The following CLVS1 variants were observed in gnomAD, a reference collection of about 807,000 sequenced individuals.
The protein encoded by CLVS1 is clavesin-1.
CLVS1 carries 10 observed loss-of-function variants against 33.1 expected under a neutral mutation model. The observed-to-expected ratio is 0.30, with a 90% CI of 0.19 to 0.51. CLVS1 has a LOEUF of 0.51. CLVS1 is among the 20% of genes least tolerant of loss of function. The pLI is 0.97. For synonymous variants in CLVS1, 163 were observed against 166.1 expected (o/e 0.98, Z 0.14); for missense variants, 343 against 433.4 (o/e 0.79, Z 1.85).
At chr8:61,341,379 T>A (rs1369169585) in intron 2 of CLVS1, among the ~76,000 whole-genome samples, 1 of 152,232 alleles carries the variant, frequency 6.6e-6, no homozygotes, top group Non-Finnish European at 1.5e-5. Flanking sequence ...GAGCGCTCAT[T>A]GTCCTCTGCG....
chr8:61,261,569 A>G (rs1563467477), intron 2 of CLVS1, among the ~76,000 whole-genome samples: 1 of 152,042 alleles, frequency 6.6e-6, no homozygotes, highest in African/African-American at 2.4e-5. Context: ...TCTCAATGTG[A>G]TAGTATTAGG....
At chr8:61,216,116 C>T (rs963602000) in intron 2 of CLVS1, among the ~76,000 whole-genome samples, 6 of 152,182 alleles carry the variant, frequency 3.9e-5, no homozygotes, top group Non-Finnish European at 5.9e-5. Flanking sequence ...TCTTTATGGT[C>T]ATCGTGAATT....
At chr8:61,146,171 A>C (rs1781287758) in intron 2 of CLVS1, among the ~76,000 whole-genome samples, 1 of 152,148 alleles carries the variant, frequency 6.6e-6, no homozygotes. Context: ...CTTCACAGGA[A>C]AAAAAAATTA....
the CLVS1 span, among the ~76,000 whole-genome samples, chr8:60,980,859 A>G: frequency 3.9e-5 from 6 of 152,190 alleles, no homozygotes; most frequent in Admixed American, 3.9e-4. Flanking sequence ...CATCCTTTTG[A>G]TGGACCTTAA....
chr8:61,059,575 C>T (rs1804547164), intron 1 of CLVS1, among the ~76,000 whole-genome samples: 1 of 147,398 alleles, frequency 6.8e-6, no homozygotes, highest in African/African-American at 2.5e-5. Context: ...CTTTGGGAGG[C>T]CAAGGCAAGT....
At chr8:61,022,201 C>A in the CLVS1 span, among the ~76,000 whole-genome samples, 5 of 152,166 alleles carry the variant, frequency 3.3e-5, no homozygotes, top group Non-Finnish European at 7.3e-5. Flanking sequence ...ATCTGAATAA[C>A]CCAAGACTTC....
chr8:61,176,289 G>C (rs772346638), intron 2 of CLVS1, among the ~76,000 whole-genome samples: 36 of 152,202 alleles, frequency 2.4e-4, no homozygotes, highest in Non-Finnish European at 4.3e-4. Flanking sequence ...GCTGGAGAAT[G>C]AGAGACATCC....
rs151032499 is a variant in CLVS1, at chr8:61,482,551, C to T, written c.978-16904C>T. Among the ~76,000 whole-genome samples, 57 of 152,152 alleles carry T rather than the reference C, an allele frequency of 3.7e-4. No homozygotes were observed. In the East Asian group the frequency reaches 3.9e-3, roughly 10 times the overall value. ...TGAAAACCATGGCACAAGAACTACA[C>T]GACACATGCACAAGCTTCAGTAGCT... is the stretch of plus-strand genomic sequence containing the variant. On this transcript the variant is annotated intron_variant, in intron 5 of 5. Transcript: ENST00000325897.
intron 1 of CLVS1, among the ~76,000 whole-genome samples, chr8:61,094,886 C>T (rs1805319701): frequency 6.6e-6 from 1 of 152,170 alleles, no homozygotes; most frequent in South Asian, 2.1e-4. Flanking sequence ...TCTTGGCAGC[C>T]CTAGCAGACT....
At chr8:61,318,067 C>G (rs1283706353) in intron 2 of CLVS1, among the ~76,000 whole-genome samples, 1 of 152,148 alleles carries the variant, frequency 6.6e-6, no homozygotes, top group Non-Finnish European at 1.5e-5. Context: ...TTGAAAATGT[C>G]ATTTCTCCTT....
At chr8:61,205,006 A>G (rs985525712) in intron 2 of CLVS1, among the ~76,000 whole-genome samples, 4 of 152,224 alleles carry the variant, frequency 2.6e-5, no homozygotes, top group Non-Finnish European at 4.4e-5. Context: ...AGATGGATAG[A>G]ATTGTTTCAT....
chr8:61,398,464 G>A (rs1390111123), intron 3 of CLVS1, among the ~76,000 whole-genome samples: 1 of 152,088 alleles, frequency 6.6e-6, no homozygotes, highest in African/African-American at 2.4e-5. Context: ...TTGCAGACGT[G>A]AGCCACCATG....
chr8:61,149,903 T>G (rs951145139), intron 2 of CLVS1, among the ~76,000 whole-genome samples: 2 of 152,260 alleles, frequency 1.3e-5, no homozygotes, highest in Non-Finnish European at 2.9e-5. Flanking sequence ...GAATTCAACA[T>G]TCTATAACAT....
At chr8:61,329,109 A>C (rs1160165808) in intron 2 of CLVS1, among the ~76,000 whole-genome samples, 1 of 151,858 alleles carries the variant, frequency 6.6e-6, no homozygotes, top group African/African-American at 2.4e-5. Context: ...TCTTTCTTTT[A>C]ATTTAATTTT....
intron 3 of CLVS1, among the ~76,000 whole-genome samples, chr8:61,391,513 T>C (rs73682288): frequency 0.012 from 1,848 of 152,330 alleles, 31 homozygotes; most frequent in African/African-American, 0.042. Flanking sequence ...CTGAGAATTC[T>C]AAAGTACATA....
At chr8:61,206,882 C>T (rs572721555) in intron 2 of CLVS1, among the ~76,000 whole-genome samples, 8 of 152,242 alleles carry the variant, frequency 5.3e-5, no homozygotes, top group South Asian at 4.1e-4. Flanking sequence ...CCAGTGCGCC[C>T]GGCATCTATC....
At chr8:61,251,102 T>A (rs1402107509) in intron 2 of CLVS1, among the ~76,000 whole-genome samples, 1 of 152,206 alleles carries the variant, frequency 6.6e-6, no homozygotes, top group Non-Finnish European at 1.5e-5. Context: ...GATACCTAGT[T>A]TATTGAGAGT....
intron 2 of CLVS1, among the ~76,000 whole-genome samples, chr8:61,253,792 C>A (rs888053890): frequency 1.3e-5 from 2 of 152,218 alleles, no homozygotes; most frequent in Admixed American, 1.3e-4. Context: ...AAGCACTTCT[C>A]TGCATTGGTT....
At chr8:61,050,690 C>A in the CLVS1 span, among the ~76,000 whole-genome samples, 1 of 152,330 alleles carries the variant, frequency 6.6e-6, no homozygotes, top group Admixed American at 6.5e-5. Context: ...TACAGATGAT[C>A]CACTTTTGAG....
Sources: allele counts gnomAD v4.1 joint callset (sites outside exome capture counted in the v4.1 genomes callset), GRCh38; gene constraint gnomAD v4.1.1; transcripts MANE v1.5; gene names NCBI Gene and HGNC (gene_info 2026-07-23, HGNC 2026-07-21).